The following SUCLG2 variants were observed in gnomAD, a reference collection of about 807,000 sequenced individuals.
SUCLG2 encodes succinate-CoA ligase GDP-forming subunit beta.
A neutral mutation model predicts 47.9 loss-of-function variants in SUCLG2; 42 were observed. The ratio of observed to expected loss-of-function variants is 0.88; its 90% CI spans 0.69 to 1.14. SUCLG2 has a LOEUF of 1.14. Among genes scored for constraint, SUCLG2 ranks in the 50% most tolerant of loss-of-function variants. The pLI is 0.00. For synonymous variants in SUCLG2, 195 were observed against 197.3 expected, an observed-to-expected ratio of 0.99 and a Z score of 0.10; for missense variants, 571 against 525.9, an observed-to-expected ratio of 1.09 and a Z score of -0.84.
chr3:67,528,994 A>G (rs763909464), intron 3 of SUCLG2, 93 bp downstream of exon 3: 12 of 1,121,356 alleles, frequency 1.1e-5, no homozygotes, highest in African/African-American at 1.6e-5. Flanking sequence ...CTCCTACCCC[A>G]CCACAACCAA....
In SUCLG2 at chr3:67,610,485, G is replaced by A. The variant is rs74535825; in HGVS notation, c.85-889C>T. On this transcript the variant is annotated intron_variant, in intron 1 of 10. Transcript: ENST00000307227. Reference sequence around the variant, plus strand: ...ATCAACAGTATTCCCTACCAAATCTGTAAGCCCCATTTTTAAAAGAAGGAA... The same window carrying A: ...ATCAACAGTATTCCCTACCAAATCTATAAGCCCCATTTTTAAAAGAAGGAA... Among the ~76,000 whole-genome samples, 492 of 149,142 alleles carry A rather than the reference G, an allele frequency of 3.3e-3. 25 individuals are homozygous for A. The East Asian group carries it at 0.086, about 26-fold the overall frequency.
At chr3:67,539,962 C>A (rs935113779) in intron 2 of SUCLG2, among the ~76,000 whole-genome samples, 2 of 151,506 alleles carry the variant, frequency 1.3e-5, no homozygotes, top group Non-Finnish European at 2.9e-5. Flanking sequence ...TTTTATTAGT[C>A]TGGCTAGCAG....
intron 2 of SUCLG2, among the ~76,000 whole-genome samples, chr3:67,576,243 T>C (rs1026033333): frequency 1.3e-5 from 2 of 152,218 alleles, no homozygotes; most frequent in African/African-American, 4.8e-5. Context: ...GATCAAGACT[T>C]GTCTGAAAGA....
At chr3:67,405,746 T>C (rs1015440867) in intron 9 of SUCLG2, among the ~76,000 whole-genome samples, 1 of 152,200 alleles carries the variant, frequency 6.6e-6, no homozygotes, top group Non-Finnish European at 1.5e-5. Flanking sequence ...TCTGAATGTG[T>C]ATTTTTCTGG....
intron 9 of SUCLG2, among the ~76,000 whole-genome samples, chr3:67,467,310 T>C (rs1272457053): frequency 1.3e-5 from 2 of 152,236 alleles, no homozygotes; most frequent in African/African-American, 2.4e-5. Context: ...ACCTGAAATA[T>C]TGAGGAATAG....
chr3:67,513,996 C>T, intron 6 of SUCLG2: 1 of 294,722 alleles, frequency 3.4e-6, no homozygotes, highest in Non-Finnish European at 6.7e-6. Context: ...CGACCCTCTA[C>T]CCAGCGGAAT....
At chr3:67,391,508 G>A (rs1032910582) in intron 10 of SUCLG2, among the ~76,000 whole-genome samples, 4 of 152,106 alleles carry the variant, frequency 2.6e-5, no homozygotes, top group South Asian at 2.1e-4. Flanking sequence ...CATATGCTTC[G>A]TGGCTATTCA....
chr3:67,489,805 G>A (rs1223075450), intron 9 of SUCLG2, among the ~76,000 whole-genome samples: 1 of 152,100 alleles, frequency 6.6e-6, no homozygotes, highest in Admixed American at 6.5e-5. Context: ...AGCCAGTTAG[G>A]CCTCATAAGT....
intron 6 of SUCLG2, among the ~76,000 whole-genome samples, chr3:67,517,718 A>G (rs952509085): frequency 6.6e-6 from 1 of 152,242 alleles, no homozygotes; most frequent in Non-Finnish European, 1.5e-5. Context: ...TATGCCATCA[A>G]TATTCATTTC....
intron 2 of SUCLG2, among the ~76,000 whole-genome samples, chr3:67,605,787 C>T (rs2107305807): frequency 6.6e-6 from 1 of 152,232 alleles, no homozygotes; most frequent in East Asian, 1.9e-4. Context: ...GTTTGTATTT[C>T]TTGAGAGCAT....
chr3:67,556,395 G>A (rs1283637984), intron 2 of SUCLG2, among the ~76,000 whole-genome samples: 2 of 152,152 alleles, frequency 1.3e-5, no homozygotes, highest in Non-Finnish European at 2.9e-5. Context: ...GCAGTATCAC[G>A]TTTGTAGCTT....
chr3:67,367,105 C>G (rs983721798), intron 10 of SUCLG2, among the ~76,000 whole-genome samples: 1 of 152,158 alleles, frequency 6.6e-6, no homozygotes, highest in Non-Finnish European at 1.5e-5. Flanking sequence ...CCATGAAATA[C>G]ATGCTCTTTG....
chr3:67,432,789 C>G (rs1470161404), intron 9 of SUCLG2, among the ~76,000 whole-genome samples: 2 of 152,188 alleles, frequency 1.3e-5, no homozygotes, highest in Non-Finnish European at 2.9e-5. Context: ...ATCAAATAAT[C>G]ACATTGTATG....
chr3:67,394,610 C>T (rs1702477539), intron 10 of SUCLG2, among the ~76,000 whole-genome samples: 1 of 151,846 alleles, frequency 6.6e-6, no homozygotes, highest in Admixed American at 6.6e-5. Flanking sequence ...AGGATATTAT[C>T]CAAGAGAACT....
chr3:67,394,002 C>T (rs1337147244), intron 10 of SUCLG2, among the ~76,000 whole-genome samples: 14 of 152,028 alleles, frequency 9.2e-5, no homozygotes, highest in Admixed American at 9.2e-4. Context: ...AAAGGACATC[C>T]ACACCAAAAA....
intron 6 of SUCLG2, among the ~76,000 whole-genome samples, chr3:67,510,886 G>A: frequency 7.4e-6 from 1 of 135,880 alleles, no homozygotes; most frequent in African/African-American, 2.7e-5. Context: ...CTGTTAAATT[G>A]TTCTTTTTTT....
intron 1 of SUCLG2, among the ~76,000 whole-genome samples, chr3:67,645,674 C>T (rs1701177887): frequency 6.6e-6 from 1 of 151,910 alleles, no homozygotes; most frequent in Admixed American, 6.6e-5. Flanking sequence ...CAAAGAAACA[C>T]TCATCATTAA....
chr3:67,618,085 AG>A (rs1358719163), intron 1 of SUCLG2, among the ~76,000 whole-genome samples: 1 of 152,192 alleles, frequency 6.6e-6, no homozygotes, highest in Non-Finnish European at 1.5e-5. Flanking sequence ...AATTTGCAAA[AG>A]GAAGAACTAG....
At chr3:67,616,824 C>T (rs1055641025) in intron 1 of SUCLG2, among the ~76,000 whole-genome samples, 1 of 152,278 alleles carries the variant, frequency 6.6e-6, no homozygotes, top group Non-Finnish European at 1.5e-5. Flanking sequence ...TAAACTCCTG[C>T]TGTTAGATAT....
Sources: gnomAD v4.1 joint callset for allele counts (sites outside exome capture counted in the v4.1 genomes callset) on GRCh38, gnomAD v4.1.1 for gene constraint, MANE v1.5 for transcripts, NCBI Gene and HGNC (gene_info 2026-07-23, HGNC 2026-07-21) for gene names.